The following DACH1 variants were observed in gnomAD, a reference collection of about 807,000 sequenced individuals.
The protein encoded by DACH1 is dachshund homolog 1.
DACH1 carries 12 observed loss-of-function variants against 54.2 expected under a neutral mutation model. The observed-to-expected ratio is 0.22, with a 90% confidence interval of 0.14 to 0.36. The LOEUF (loss-of-function observed/expected upper bound fraction) is 0.36. Among genes scored for constraint, DACH1 ranks in the 10% least tolerant of loss-of-function variants. The pLI is 1.00. For synonymous variants in DACH1, 386 were observed against 366.2 expected, an observed-to-expected ratio of 1.05 and a Z score of -0.62; for missense variants, 805 against 929.8, an observed-to-expected ratio of 0.87 and a Z score of 1.75.
chr13:71,739,230 T>A (rs1207298416), intron 1 of DACH1, among the ~76,000 whole-genome samples: 1 of 151,820 alleles, frequency 6.6e-6, no homozygotes, highest in Non-Finnish European at 1.5e-5. Context: ...CCAGCCTGGG[T>A]GACAAGAGTG....
chr13:71,707,410 G>A (rs1488960918), intron 1 of DACH1, among the ~76,000 whole-genome samples: 1 of 152,168 alleles, frequency 6.6e-6, no homozygotes, highest in Non-Finnish European at 1.5e-5. Flanking sequence ...TCCTGAAAGT[G>A]AGCCTGTGTA....
At chr13:71,846,611 A>G (rs1396849267) in intron 1 of DACH1, among the ~76,000 whole-genome samples, 1 of 152,240 alleles carries the variant, frequency 6.6e-6, no homozygotes, top group Admixed American at 6.5e-5. Context: ...CCTGAGCGAC[A>G]AGGCCAGACT....
intron 1 of DACH1, among the ~76,000 whole-genome samples, chr13:71,717,894 A>T (rs957499477): frequency 2.1e-5 from 3 of 145,512 alleles, no homozygotes; most frequent in African/African-American, 5.3e-5. Flanking sequence ...CTTTTAAATT[A>T]AAAAAAAAAC....
rs2138156111 is a variant in DACH1 at position 71,468,542 on chromosome 13, T to A, written c.2083+6599A>T. 2.6e-5 allele frequency among the ~76,000 whole-genome samples: 4 copies of A among 152,320 alleles called. 1 individual carries two copies. In the Middle Eastern group the frequency reaches 0.01, roughly 389 times the overall value. ...ATTAACAATTATATGACAATCAAAC[T>A]TGAACAATACTTTCATAAAGATCTT... On this transcript the variant is annotated intron_variant, in intron 10 of 10. Transcript: ENST00000613252.
At chr13:71,494,612 A>C (rs527857940) in intron 6 of DACH1, among the ~76,000 whole-genome samples, 127 of 152,260 alleles carry the variant, frequency 8.3e-4, no homozygotes, top group South Asian at 2.7e-3. Flanking sequence ...TTGTAAGTTA[A>C]GAATTATTTG....
intron 1 of DACH1, among the ~76,000 whole-genome samples, chr13:71,710,271 A>T (rs762585242): frequency 1.3e-5 from 2 of 152,302 alleles, no homozygotes; most frequent in Admixed American, 6.5e-5. Flanking sequence ...TTTTATAAAG[A>T]AAATTACATT....
intron 1 of DACH1, among the ~76,000 whole-genome samples, chr13:71,809,728 A>C (rs1293419278): frequency 6.6e-6 from 1 of 152,202 alleles, no homozygotes; most frequent in African/African-American, 2.4e-5. Flanking sequence ...AAATGATATA[A>C]TTCTTCAATA....
chr13:71,442,271 A>G (rs541353131), intron 10 of DACH1, among the ~76,000 whole-genome samples: 2 of 152,250 alleles, frequency 1.3e-5, no homozygotes, highest in South Asian at 2.1e-4. Flanking sequence ...AGCTCCCACA[A>G]ATAAAGTGAG....
chr13:71,619,447 A>G (rs1294593053), intron 3 of DACH1, among the ~76,000 whole-genome samples: 1 of 151,976 alleles, frequency 6.6e-6, no homozygotes, highest in Non-Finnish European at 1.5e-5. Flanking sequence ...CAATTCATTT[A>G]TCCAATTAAT....
rs1877608297 is a variant in DACH1, at chr13:71,637,936, TG to T, written c.965-7220del. Among the ~76,000 whole-genome samples, 4 of 152,292 alleles carry T rather than the reference TG, an allele frequency of 2.6e-5. No homozygotes were observed. In the South Asian group the frequency reaches 8.3e-4, roughly 32 times the overall value. On this transcript the variant is annotated intron_variant, in intron 2 of 10. Transcript: ENST00000613252. The stretch of plus-strand genomic sequence containing the variant: ...TCATTAACTTGAAAGGCCCAATCTT[TG>T]ATCTTTGGTTTCAAAGACATCAAGA...
chr13:71,707,041 T>C (rs2138767098), intron 1 of DACH1, among the ~76,000 whole-genome samples: 1 of 152,334 alleles, frequency 6.6e-6, no homozygotes, highest in South Asian at 2.1e-4. Context: ...ATCTTCACAT[T>C]TAATTTAATA....
At chr13:71,767,344 T>C (rs1885680742) in intron 1 of DACH1, among the ~76,000 whole-genome samples, 1 of 152,066 alleles carries the variant, frequency 6.6e-6, no homozygotes, top group African/African-American at 2.4e-5. Flanking sequence ...GTTATAGTAT[T>C]TCAAGGGGCG....
intron 3 of DACH1, among the ~76,000 whole-genome samples, chr13:71,594,791 C>A (rs1873976698): frequency 6.6e-6 from 1 of 152,046 alleles, no homozygotes; most frequent in Non-Finnish European, 1.5e-5. Flanking sequence ...TCATATGTTT[C>A]TGTGCCTCAA....
At chr13:71,547,704 A>G (rs1010877644) in intron 6 of DACH1, among the ~76,000 whole-genome samples, 1 of 152,108 alleles carries the variant, frequency 6.6e-6, no homozygotes, top group East Asian at 1.9e-4. Flanking sequence ...ATACCTTCAA[A>G]ATATCATCAG....
intron 1 of DACH1, among the ~76,000 whole-genome samples, chr13:71,786,687 T>A (rs1252074885): frequency 6.6e-6 from 1 of 152,130 alleles, no homozygotes; most frequent in Non-Finnish European, 1.5e-5. Flanking sequence ...TACTGGCTAT[T>A]ATTAAGTCCA....
intron 6 of DACH1, among the ~76,000 whole-genome samples, chr13:71,528,676 G>A (rs148690532): frequency 6.9e-4 from 104 of 151,734 alleles, no homozygotes; most frequent in Middle Eastern, 3.4e-3. Context: ...GTGATCCACC[G>A]GGCCGGAAAA....
At chr13:71,837,089 T>C (rs917593976) in intron 1 of DACH1, among the ~76,000 whole-genome samples, 1 of 151,846 alleles carries the variant, frequency 6.6e-6, no homozygotes, top group African/African-American at 2.4e-5. Flanking sequence ...AAACGAAAGA[T>C]TAAGGGGGAA....
intron 3 of DACH1, among the ~76,000 whole-genome samples, chr13:71,594,987 A>T (rs1873992007): frequency 6.6e-6 from 1 of 152,154 alleles, no homozygotes; most frequent in African/African-American, 2.4e-5. Context: ...GGAGAAAAAT[A>T]AAACAGGGAA....
At chr13:71,545,815 A>G (rs770718990) in intron 6 of DACH1, among the ~76,000 whole-genome samples, 1 of 152,118 alleles carries the variant, frequency 6.6e-6, no homozygotes, top group Non-Finnish European at 1.5e-5. Flanking sequence ...TAACTTTAAC[A>G]TATTCACAAA....
Sources: allele counts gnomAD v4.1 joint callset (sites outside exome capture counted in the v4.1 genomes callset), GRCh38; gene constraint gnomAD v4.1.1; transcripts MANE v1.5; gene names NCBI Gene and HGNC (gene_info 2026-07-23, HGNC 2026-07-21).